The following DTWD2 variants were observed in gnomAD, a reference collection of about 807,000 sequenced individuals.
The protein encoded by DTWD2 is tRNA-uridine aminocarboxypropyltransferase 2.
A neutral mutation model predicts 31.8 loss-of-function variants in DTWD2; 39 were observed. The ratio of observed to expected loss-of-function variants is 1.22; its 90% CI spans 0.95 to 1.60. The LOEUF (loss-of-function observed/expected upper bound fraction) is 1.60. Ranked by LOEUF, DTWD2 falls within the 40% of genes most tolerant of loss-of-function variation. The pLI, the probability that DTWD2 is intolerant of heterozygous loss-of-function variation, is 0.00. For synonymous variants in DTWD2, 180 were observed against 142.8 expected (o/e 1.26, Z -1.86); for missense variants, 515 against 381.5 (o/e 1.35, Z -2.92).
intron 5 of DTWD2, among the ~76,000 whole-genome samples, chr5:118,841,566 G>A (rs1328913887): frequency 3.3e-5 from 5 of 152,146 alleles, no homozygotes; most frequent in South Asian, 4.1e-4. Context: ...TCACATTAGT[G>A]CCATGGACCA....
intron 1 of DTWD2, among the ~76,000 whole-genome samples, chr5:118,953,459 C>T (rs1177470348): frequency 2.6e-5 from 4 of 152,118 alleles, no homozygotes; most frequent in South Asian, 2.1e-4. Context: ...AAAATTTGAC[C>T]TTCCCTTAAC....
intron 1 of DTWD2, among the ~76,000 whole-genome samples, chr5:118,957,214 T>C (rs957888019): frequency 1.3e-5 from 2 of 151,902 alleles, no homozygotes; most frequent in African/African-American, 4.8e-5. Context: ...TTAGAAAAAA[T>C]ATACTGTTGT....
chr5:118,836,775 C>G lies in DTWD2; in HGVS notation c.*4142G>C, dbSNP rs535056519. On this transcript the variant is annotated 3_prime_UTR_variant, in exon 6 of 6. Coordinates refer to ENST00000510708, the MANE Select transcript of DTWD2 (RefSeq NM_173666.4). ...AGGTGAAGACACAGCTAGAATGCACCATCTATGAACCAGTGAGTGGGCCCC... is the reference window on the plus strand; with the variant it reads ...AGGTGAAGACACAGCTAGAATGCACGATCTATGAACCAGTGAGTGGGCCCC... Among the ~76,000 whole-genome samples the G allele has an allele frequency of 2.6e-4, 40 of 152,254 alleles. No homozygotes were observed. Among genetic ancestry groups the G allele is most frequent in the African/African-American group, 8.7e-4 (36 of 41,538 alleles).
chr5:118,955,665 C>A (rs1329811156), intron 1 of DTWD2, among the ~76,000 whole-genome samples: 1 of 151,964 alleles, frequency 6.6e-6, no homozygotes, highest in Admixed American at 6.6e-5. Flanking sequence ...CTTCTCCAGG[C>A]ACATAGCAGG....
rs548189487 is a variant in DTWD2 at position 118,952,984 on chromosome 5, C to T, written c.219-8335G>A. On this transcript the variant is annotated intron_variant, in intron 1 of 5. Coordinates refer to ENST00000510708, the MANE Select transcript of DTWD2 (RefSeq NM_173666.4). Reference sequence around the variant, plus strand: ...ATTTTGTTTTCACATCTTCCTCTCACTTCTAGATGATGAACCCTCTAAGAG... The same window carrying T: ...ATTTTGTTTTCACATCTTCCTCTCATTTCTAGATGATGAACCCTCTAAGAG... 3.9e-5 allele frequency among the ~76,000 whole-genome samples: 6 copies of T among 152,318 alleles called. No individual in the cohort carries two copies. In the South Asian group the frequency reaches 1.2e-3, roughly 32 times the overall value.
In DTWD2 at chr5:118,928,882, C is replaced by T. The variant is rs147851537; in HGVS notation, c.405-153G>A. On this transcript the variant is annotated intron_variant, in intron 3 of 5. Transcript: ENST00000510708. ...GTTTATAAAGTATGAATTAAAAAGA[C>T]TCAAAATTTTGTGTACTCTCTACTG... Among the ~76,000 whole-genome samples, 4 of 152,280 alleles carry T rather than the reference C, an allele frequency of 2.6e-5. No individual in the cohort carries two copies. In the East Asian group the frequency reaches 7.7e-4, roughly 29 times the overall value.
intron 4 of DTWD2, among the ~76,000 whole-genome samples, chr5:118,888,733 G>C (rs1752919295): frequency 1.3e-5 from 2 of 152,142 alleles, no homozygotes; most frequent in African/African-American, 2.4e-5. Context: ...CTATGTTTGA[G>C]AGTTTCAGTT....
chr5:118,877,606 T>C (rs1296601486), intron 4 of DTWD2, among the ~76,000 whole-genome samples: 4 of 151,874 alleles, frequency 2.6e-5, no homozygotes, highest in African/African-American at 9.7e-5. Flanking sequence ...AAGAGGGAAG[T>C]ATACCCCTTG....
intron 4 of DTWD2, among the ~76,000 whole-genome samples, chr5:118,877,332 C>T (rs1374570998): frequency 5.9e-5 from 9 of 152,022 alleles, no homozygotes; most frequent in African/African-American, 1.4e-4. Context: ...ATTAGCCAGG[C>T]GTGGTGGCGG....
At chr5:118,898,779 G>C (rs148811986) in intron 4 of DTWD2, among the ~76,000 whole-genome samples, 70 of 151,780 alleles carry the variant, frequency 4.6e-4, no homozygotes, top group African/African-American at 1.7e-3. Context: ...TGGCACCCTA[G>C]AACAGCTCTA....
At chr5:118,895,658 G>A (rs569731693) in intron 4 of DTWD2, among the ~76,000 whole-genome samples, 1 of 152,018 alleles carries the variant, frequency 6.6e-6, no homozygotes, top group Non-Finnish European at 1.5e-5. Flanking sequence ...TAGCATAAAA[G>A]GACACATAGA....
At chr5:118,924,672 A>G (rs1420035007) in intron 4 of DTWD2, among the ~76,000 whole-genome samples, 1 of 152,254 alleles carries the variant, frequency 6.6e-6, no homozygotes, top group African/African-American at 2.4e-5. Flanking sequence ...AGTGTTACAT[A>G]AAGTAGTTTA....
At chr5:118,887,139 C>G (rs922981482) in intron 4 of DTWD2, among the ~76,000 whole-genome samples, 2 of 152,242 alleles carry the variant, frequency 1.3e-5, no homozygotes, top group East Asian at 1.9e-4. Flanking sequence ...ATATAATGAG[C>G]AGTTTATGTC....
intron 1 of DTWD2, among the ~76,000 whole-genome samples, chr5:118,951,657 G>T (rs1052697115): frequency 1.3e-5 from 2 of 152,154 alleles, no homozygotes; most frequent in Non-Finnish European, 2.9e-5. Context: ...AGTTGAAGAG[G>T]TTTTAAGTTT....
At chr5:118,952,476 C>T (rs192301170) in intron 1 of DTWD2, among the ~76,000 whole-genome samples, 24 of 151,768 alleles carry the variant, frequency 1.6e-4, no homozygotes, top group African/African-American at 5.1e-4. Flanking sequence ...CAAGCAGGGG[C>T]GGGGGTCATG....
chr5:118,904,256 A>T (rs2149567258), intron 4 of DTWD2, among the ~76,000 whole-genome samples: 1 of 152,214 alleles, frequency 6.6e-6, no homozygotes, highest in African/African-American at 2.4e-5. Context: ...AAATCTAATA[A>T]AAACACCCAC....
chr5:118,870,928 A>G (rs1054986769), intron 4 of DTWD2, among the ~76,000 whole-genome samples: 6 of 149,246 alleles, frequency 4.0e-5, no homozygotes, highest in Non-Finnish European at 7.4e-5. Context: ...ATCTTATATA[A>G]TAACTTATAT....
Position 118,837,826 on chromosome 5 carries a change from G to C in DTWD2, c.*3091C>G, listed in dbSNP as rs1166050816. On this transcript the variant is annotated 3_prime_UTR_variant, in exon 6 of 6. Transcript: ENST00000510708. ...TCTAGCTACTTGGGAGGCTGAGGCA[G>C]GAGGAACACTTGAGCCCAGGAGTTT... is the stretch of plus-strand genomic sequence containing the variant. The C allele has an allele frequency of 6.6e-6, 1 of 152,130 alleles. No individual in the cohort carries two copies. The highest frequency in any genetic ancestry group is 1.5e-5 in the Non-Finnish European group (1 of 68,046). 9.4% of individuals were successfully genotyped at this position (152,130 alleles called of 1,614,324 possible). A position where few individuals can be genotyped will look rare whatever the true frequency, so the allele number is the denominator to read the frequency against.
intron 4 of DTWD2, among the ~76,000 whole-genome samples, chr5:118,921,990 T>G (rs985632959): frequency 1.3e-5 from 2 of 152,166 alleles, no homozygotes; most frequent in Non-Finnish European, 2.9e-5. Flanking sequence ...AGCGAGAAAT[T>G]AAGCTTTAGT....
Sources: allele counts gnomAD v4.1 joint callset (sites outside exome capture counted in the v4.1 genomes callset), GRCh38; gene constraint gnomAD v4.1.1; transcripts MANE v1.5; gene names NCBI Gene and HGNC (gene_info 2026-07-23, HGNC 2026-07-21).